LMNTD1: variants seen among roughly 807,000 people sequenced by gnomAD.
LMNTD1 encodes lamin tail domain containing 1.
Under a neutral mutation model 50.9 loss-of-function variants are expected in LMNTD1, and 35 were observed. That is an observed-to-expected ratio of 0.69 (90% CI 0.53 to 0.91). The LOEUF is 0.91. Among genes scored for constraint, LMNTD1 ranks in the 40% least tolerant of loss-of-function variants. The pLI is 0.00. For synonymous variants in LMNTD1, 153 were observed against 161.9 expected (o/e 0.94, Z 0.42); for missense variants, 470 against 475.5 (o/e 0.99, Z 0.11).
At chr12:25,552,425 T>C (rs1418017304) in intron 2 of LMNTD1, among the ~76,000 whole-genome samples, 1 of 151,488 alleles carries the variant, frequency 6.6e-6, no homozygotes, top group Non-Finnish European at 1.5e-5. Flanking sequence ...AAGACCACGG[T>C]GAAACCTCGT....
chr12:25,575,076 T>C (rs1944948820), intron 1 of LMNTD1, among the ~76,000 whole-genome samples: 1 of 152,148 alleles, frequency 6.6e-6, no homozygotes, highest in African/African-American at 2.4e-5. Context: ...GGTGAACTTC[T>C]TCACTTCTTA....
At chr12:25,536,544 T>A (rs1942587676) in intron 4 of LMNTD1, among the ~76,000 whole-genome samples, 1 of 151,960 alleles carries the variant, frequency 6.6e-6, no homozygotes. Flanking sequence ...TGAATGAAAA[T>A]AAAAATACAA....
chr12:25,624,010 T>C (rs1946531978), intron 1 of LMNTD1, among the ~76,000 whole-genome samples: 1 of 152,112 alleles, frequency 6.6e-6, no homozygotes, highest in African/African-American at 2.4e-5. Context: ...TGTGTGCACA[T>C]AGGTATTAAT....
intron 1 of LMNTD1, among the ~76,000 whole-genome samples, chr12:25,648,229 T>C (rs1004586535): frequency 3.3e-5 from 5 of 152,216 alleles, no homozygotes; most frequent in Non-Finnish European, 7.3e-5. Context: ...ATTTCGACAG[T>C]CATGGGTTCC....
intron 5 of LMNTD1, 39 bp downstream of exon 5, chr12:25,526,730 T>C (rs748255021): frequency 2.1e-6 from 3 of 1,416,924 alleles, no homozygotes; most frequent in African/African-American, 2.8e-5. Context: ...GTTTGTCCTG[T>C]ACAATTCTAA....
chr12:25,530,353 T>G (rs1942135571), intron 4 of LMNTD1, among the ~76,000 whole-genome samples: 1 of 152,210 alleles, frequency 6.6e-6, no homozygotes, highest in South Asian at 2.1e-4. Context: ...TCTTTATAGT[T>G]TCTGCTTTTG....
intron 1 of LMNTD1, among the ~76,000 whole-genome samples, chr12:25,636,885 GGAATA>G (rs1481898988): frequency 1.3e-5 from 2 of 151,912 alleles, no homozygotes; most frequent in African/African-American, 4.8e-5. Flanking sequence ...AAGTAACTCA[GGAATA>G]GAAAACCAAA....
chr12:25,484,498 T>G (rs1487284622), intron 9 of LMNTD1, among the ~76,000 whole-genome samples: 2 of 152,020 alleles, frequency 1.3e-5, no homozygotes, highest in African/African-American at 2.4e-5. Context: ...TAGCCATTTC[T>G]TTTTAAATTT....
At chr12:25,554,689 T>A (rs555927570), upstream of LMNTD1, among the ~76,000 whole-genome samples, 1 of 152,318 alleles carries the variant, frequency 6.6e-6, no homozygotes, top group East Asian at 1.9e-4. Context: ...CTTTCCACAA[T>A]GTGGCAGATA....
chr12:25,541,358 G>C (rs1943058835), intron 4 of LMNTD1, among the ~76,000 whole-genome samples: 1 of 147,212 alleles, frequency 6.8e-6, no homozygotes, highest in African/African-American at 2.5e-5. Flanking sequence ...GCATGGTACT[G>C]GTACCAAAAC....
intron 1 of LMNTD1, among the ~76,000 whole-genome samples, chr12:25,607,530 T>C (rs1692906976): frequency 6.6e-6 from 1 of 152,252 alleles, no homozygotes; most frequent in Non-Finnish European, 1.5e-5. Context: ...TCTGGTTCAT[T>C]GTGTCCTTGT....
chr12:25,541,242 G>C (rs1943049710), intron 4 of LMNTD1, among the ~76,000 whole-genome samples: 1 of 81,118 alleles, frequency 1.2e-5, no homozygotes. Context: ...AGTTCATATG[G>C]AACCAAAAAA....
chr12:25,481,565 A>G (rs760521417), intron 9 of LMNTD1, among the ~76,000 whole-genome samples: 3 of 151,972 alleles, frequency 2.0e-5, no homozygotes, highest in Non-Finnish European at 4.4e-5. Flanking sequence ...CAGCCTCAAC[A>G]TAGACTTTGG....
intron 1 of LMNTD1, among the ~76,000 whole-genome samples, chr12:25,637,287 C>A (rs142401897): frequency 6.6e-6 from 1 of 151,838 alleles, no homozygotes; most frequent in African/African-American, 2.4e-5. Flanking sequence ...ACCCAGATGT[C>A]GGAATTAGTA....
At chr12:25,583,101 A>C (rs767956126) in intron 1 of LMNTD1, among the ~76,000 whole-genome samples, 70 of 151,004 alleles carry the variant, frequency 4.6e-4, no homozygotes, top group South Asian at 2.3e-3. Context: ...GGCTCACTGC[A>C]AGCTCTACCT....
chr12:25,561,917 C>G (rs562347144), intron 1 of LMNTD1, among the ~76,000 whole-genome samples: 1 of 152,036 alleles, frequency 6.6e-6, no homozygotes, highest in Admixed American at 6.6e-5. Flanking sequence ...CTTTGATCTT[C>G]GTTGGTTTAA....
chr12:25,576,406 C>T (rs1565495034), intron 1 of LMNTD1, among the ~76,000 whole-genome samples: 1 of 152,198 alleles, frequency 6.6e-6, no homozygotes, highest in African/African-American at 2.4e-5. Context: ...GATGGTATCT[C>T]ATTGTGGTTT....
At chr12:25,644,354 A>C (rs11048142) in intron 1 of LMNTD1, among the ~76,000 whole-genome samples, 2 of 148,600 alleles carry the variant, frequency 1.3e-5, no homozygotes, top group African/African-American at 2.5e-5. Context: ...GCATGGTGGC[A>C]TGTGCCTGTG....
At chr12:25,538,010 GA>G (rs1395514040) in intron 4 of LMNTD1, among the ~76,000 whole-genome samples, 2 of 149,302 alleles carry the variant, frequency 1.3e-5, no homozygotes, top group Non-Finnish European at 3.0e-5. Flanking sequence ...AAGTGAGAAG[GA>G]AAGTTTAGAG....
Sources: allele counts gnomAD v4.1 joint callset (sites outside exome capture counted in the v4.1 genomes callset), GRCh38; gene constraint gnomAD v4.1.1; transcripts MANE v1.5; gene names NCBI Gene and HGNC (gene_info 2026-07-23, HGNC 2026-07-21).